Variants in PBX3 observed in about 807,000 individuals in gnomAD.
PBX3 encodes PBX homeobox 3.
In PBX3, 14 loss-of-function variants were observed where a neutral mutation model predicts 48.5. That is an observed-to-expected ratio of 0.29 (90% CI 0.19 to 0.45). The LOEUF is 0.45. Ranked by LOEUF, PBX3 falls within the 20% of genes least tolerant of loss-of-function variation. The pLI, the probability that PBX3 is intolerant of heterozygous loss-of-function variation, is 1.00. For synonymous variants in PBX3, 210 were observed against 200.3 expected, an observed-to-expected ratio of 1.05 and a Z score of -0.41; for missense variants, 386 against 546.7, an observed-to-expected ratio of 0.71 and a Z score of 2.93.
At chr9:125,851,753 T>C (rs1839585774) in intron 2 of PBX3, among the ~76,000 whole-genome samples, 1 of 152,110 alleles carries the variant, frequency 6.6e-6, no homozygotes, top group South Asian at 2.1e-4. Context: ...TTTATTATAC[T>C]ATGAAATCAA....
At chr9:125,859,893 G>A (rs1305465976) in intron 2 of PBX3, among the ~76,000 whole-genome samples, 1 of 152,188 alleles carries the variant, frequency 6.6e-6, no homozygotes, top group Non-Finnish European at 1.5e-5. Flanking sequence ...CTTATATAGG[G>A]TTGGCCTATT....
At chr9:125,915,463 TG>T (rs1016665857) in intron 2 of PBX3, among the ~76,000 whole-genome samples, 2 of 151,946 alleles carry the variant, frequency 1.3e-5, no homozygotes, top group Admixed American at 6.6e-5. Flanking sequence ...ATTGAGGCGG[TG>T]GGGGGGTATT....
chr9:125,763,116 A>G (rs1836712194), intron 2 of PBX3, among the ~76,000 whole-genome samples: 2 of 152,220 alleles, frequency 1.3e-5, no homozygotes, highest in African/African-American at 2.4e-5. Flanking sequence ...AAATTGAGCC[A>G]ATGGCATAAA....
At chr9:125,939,026 G>A (rs2132539527) in intron 5 of PBX3, among the ~76,000 whole-genome samples, 1 of 152,016 alleles carries the variant, frequency 6.6e-6, no homozygotes, top group South Asian at 2.1e-4. Flanking sequence ...CACACACACA[G>A]CATGAGTGCC....
At chr9:125,905,570 T>C (rs1384601232) in intron 2 of PBX3, among the ~76,000 whole-genome samples, 1 of 151,982 alleles carries the variant, frequency 6.6e-6, no homozygotes, top group African/African-American at 2.4e-5. Context: ...TTGATTTCTT[T>C]GCTGTAGATT....
At chr9:125,791,301 G>GTCTATCTATCTATCTATCTATCTA (rs61202902) in intron 2 of PBX3, among the ~76,000 whole-genome samples, 55 of 109,018 alleles carry the variant, frequency 5.0e-4, no homozygotes, top group East Asian at 9.0e-4. Context: ...CTGTCTGTCT[G>GTCTATCTATCTATCTATCTATCTA]TCTATCTATC....
chr9:125,779,927 C>T (rs1374857725), intron 2 of PBX3, among the ~76,000 whole-genome samples: 4 of 121,124 alleles, frequency 3.3e-5, no homozygotes, highest in Admixed American at 8.1e-5. Flanking sequence ...GGCGTCTGGC[C>T]GGGCGGGGGG....
intron 2 of PBX3, among the ~76,000 whole-genome samples, chr9:125,828,758 T>A (rs901692314): frequency 1.3e-5 from 2 of 152,218 alleles, no homozygotes; most frequent in African/African-American, 4.8e-5. Flanking sequence ...TTTATTCAAT[T>A]TGTTAGAAAA....
intron 5 of PBX3, among the ~76,000 whole-genome samples, chr9:125,937,244 G>A (rs930888889): frequency 6.6e-6 from 1 of 152,018 alleles, no homozygotes; most frequent in African/African-American, 2.4e-5. Flanking sequence ...AGTGTAGAGT[G>A]TGCTCAATAC....
chr9:125,844,322 A>G (rs1450034463), intron 2 of PBX3, among the ~76,000 whole-genome samples: 1 of 151,370 alleles, frequency 6.6e-6, no homozygotes, highest in East Asian at 1.9e-4. Context: ...TTAGGATTTA[A>G]AAACAAAAAA....
At chr9:125,837,934 T>A (rs941243758) in intron 2 of PBX3, among the ~76,000 whole-genome samples, 2 of 152,182 alleles carry the variant, frequency 1.3e-5, no homozygotes, top group Non-Finnish European at 2.9e-5. Flanking sequence ...TTTCAAAAGA[T>A]AGCAACCAAA....
chr9:125,835,043 A>C lies in PBX3; in HGVS notation c.275-80643A>C, dbSNP rs199998134. On this transcript the variant is annotated intron_variant, in intron 2 of 8. Transcript: ENST00000373489. ...AAAAAAAAAAAAAAAAAAAAAAAAA[A>C]AAAAAAAAGGGCAAAAGATATGAAA... 0.013 allele frequency among the ~76,000 whole-genome samples: 1,822 copies of C among 144,194 alleles called. 168 individuals are homozygous for C. The East Asian group carries it at 0.13, about 10-fold the overall frequency. The allele number at this position is 144,194 out of a possible 152,430, so 94.6% of individuals were successfully genotyped here. A position where few individuals can be genotyped will look rare whatever the true frequency, so the allele number is the denominator to read the frequency against.
intron 5 of PBX3, among the ~76,000 whole-genome samples, chr9:125,949,784 GA>G: frequency 6.6e-6 from 1 of 152,320 alleles, no homozygotes; most frequent in South Asian, 2.1e-4. Flanking sequence ...ATAGGACACT[GA>G]ATGCATGTTG....
intron 5 of PBX3, among the ~76,000 whole-genome samples, chr9:125,937,174 A>G (rs1474706301): frequency 1.3e-5 from 2 of 152,210 alleles, no homozygotes; most frequent in South Asian, 2.1e-4. Flanking sequence ...AATATCATCT[A>G]TTTCAAAAAC....
chr9:125,952,375 G>A (rs1564189035), intron 5 of PBX3, among the ~76,000 whole-genome samples: 1 of 152,318 alleles, frequency 6.6e-6, no homozygotes, highest in East Asian at 1.9e-4. Flanking sequence ...CCTCTTGGAG[G>A]CGGCCTTTAA....
chr9:125,806,549 T>C (rs1329712051), intron 2 of PBX3, among the ~76,000 whole-genome samples: 1 of 152,190 alleles, frequency 6.6e-6, no homozygotes, highest in Non-Finnish European at 1.5e-5. Flanking sequence ...TCTGCAGGCC[T>C]CTTATAAGAG....
chr9:125,895,850 A>C (rs565024744), intron 2 of PBX3, among the ~76,000 whole-genome samples: 7 of 152,064 alleles, frequency 4.6e-5, no homozygotes, highest in Non-Finnish European at 1.0e-4. Flanking sequence ...TCAAATTTCT[A>C]GGGAACACTG....
intron 2 of PBX3, among the ~76,000 whole-genome samples, chr9:125,868,739 A>G (rs1840048575): frequency 1.3e-5 from 2 of 152,234 alleles, no homozygotes; most frequent in South Asian, 4.1e-4. Flanking sequence ...GATACCCTAC[A>G]TTCAGTTGAT....
chr9:125,887,532 T>TG (rs1296157234), intron 2 of PBX3, among the ~76,000 whole-genome samples: 2 of 152,202 alleles, frequency 1.3e-5, no homozygotes, highest in African/African-American at 4.8e-5. Context: ...AACTTTATGT[T>TG]GCGTATGCAC....
Sources: gnomAD v4.1 joint callset for allele counts (sites outside exome capture counted in the v4.1 genomes callset) on GRCh38, gnomAD v4.1.1 for gene constraint, MANE v1.5 for transcripts, NCBI Gene and HGNC (gene_info 2026-07-23, HGNC 2026-07-21) for gene names.